Variants in SCAPER observed in about 807,000 individuals in gnomAD.
SCAPER encodes the protein S-phase cyclin A associated protein in the ER.
Under a neutral mutation model 182.2 loss-of-function variants are expected in SCAPER, and 98 were observed. The ratio of observed to expected loss-of-function variants is 0.54; its 90% CI spans 0.46 to 0.64. The LOEUF is 0.64. Among genes scored for constraint, SCAPER ranks in the 30% least tolerant of loss-of-function variants. SCAPER has a pLI of 0.00. For synonymous variants in SCAPER, 605 were observed against 564.6 expected (o/e 1.07, Z -1.01); for missense variants, 1,432 against 1,690.0 (o/e 0.85, Z 2.68).
intron 5 of SCAPER, among the ~76,000 whole-genome samples, chr15:76,813,227 T>TAAAAAAAAAA (rs746891532): frequency 2.3e-3 from 39 of 17,182 alleles, no homozygotes; most frequent in African/African-American, 6.9e-3. Context: ...ATCCTTTCAC[T>TAAAAAAAAAA]AAAAAAAAAA....
intron 21 of SCAPER, among the ~76,000 whole-genome samples, chr15:76,637,216 C>T (rs1024120099): frequency 4.6e-5 from 7 of 152,010 alleles, no homozygotes; most frequent in Admixed American, 4.6e-4. Flanking sequence ...TCTACTACCT[C>T]TATAAAATTT....
intron 23 of SCAPER, among the ~76,000 whole-genome samples, chr15:76,506,450 C>T (rs1211972667): frequency 6.6e-6 from 1 of 151,772 alleles, no homozygotes; most frequent in Non-Finnish European, 1.5e-5. Flanking sequence ...CAACACTAAT[C>T]AGATAGTTAT....
chr15:76,768,292 A>G (rs1257237060), intron 10 of SCAPER, among the ~76,000 whole-genome samples: 1 of 152,180 alleles, frequency 6.6e-6, no homozygotes, highest in East Asian at 1.9e-4. Flanking sequence ...AGTGGAAACA[A>G]CCTAAATGTC....
intron 20 of SCAPER, among the ~76,000 whole-genome samples, chr15:76,683,799 C>T (rs2057874347): frequency 6.6e-6 from 1 of 151,806 alleles, no homozygotes; most frequent in African/African-American, 2.4e-5. Context: ...AAATTCCAAC[C>T]AAGAATTTCA....
chr15:76,777,789 T>G (rs2063835199), intron 8 of SCAPER, among the ~76,000 whole-genome samples: 1 of 152,168 alleles, frequency 6.6e-6, no homozygotes, highest in African/African-American at 2.4e-5. Flanking sequence ...TAAATACAAG[T>G]TGCTCCTCAA....
At chr15:76,537,066 G>C (rs2044233959) in intron 23 of SCAPER, among the ~76,000 whole-genome samples, 1 of 152,192 alleles carries the variant, frequency 6.6e-6, no homozygotes, top group Admixed American at 6.5e-5. Context: ...TGAAATAAAA[G>C]AGGATACAAA....
At position 76,719,821 on chromosome 15, in the gene SCAPER, A is replaced by T. The variant is rs142301979; in HGVS notation, c.2165+8774T>A. On this transcript the variant is annotated intron_variant, in intron 17 of 31. Coordinates refer to ENST00000563290, the MANE Select transcript of SCAPER (RefSeq NM_020843.4). Reference sequence around the variant, plus strand: ...AATCCCAACTATATATTGGTAGATTATATGTTTATTTACGTAGAAAACGCT... The same window carrying T: ...AATCCCAACTATATATTGGTAGATTTTATGTTTATTTACGTAGAAAACGCT... Among the ~76,000 whole-genome samples the T allele has an allele frequency of 4.5e-4, 69 of 152,292 alleles. No homozygotes were observed. The East Asian group carries it at 0.013, about 28-fold the overall frequency.
intron 2 of SCAPER, among the ~76,000 whole-genome samples, chr15:76,875,923 G>C (rs34450864): frequency 3.3e-5 from 5 of 151,266 alleles, no homozygotes; most frequent in African/African-American, 1.2e-4. Flanking sequence ...CCCACGGTGG[G>C]GGGCGGGGTC....
At chr15:76,633,736 G>A (rs1567656250) in intron 21 of SCAPER, among the ~76,000 whole-genome samples, 1 of 152,220 alleles carries the variant, frequency 6.6e-6, no homozygotes, top group Non-Finnish European at 1.5e-5. Flanking sequence ...GCACTGTGGG[G>A]AATTGCTCCC....
chr15:76,612,696 T>C (rs1327646020), intron 22 of SCAPER, among the ~76,000 whole-genome samples: 4 of 152,036 alleles, frequency 2.6e-5, no homozygotes, highest in Non-Finnish European at 4.4e-5. Flanking sequence ...ATAAAATACC[T>C]AGGAATACAG....
At chr15:76,897,333 T>C (rs1367247862) in intron 1 of SCAPER, among the ~76,000 whole-genome samples, 2 of 152,124 alleles carry the variant, frequency 1.3e-5, no homozygotes, top group African/African-American at 4.8e-5. Flanking sequence ...AGGCTCTGAC[T>C]TAAAATTTTT....
At chr15:76,874,050 G>A (rs1215929688) in intron 2 of SCAPER, among the ~76,000 whole-genome samples, 3 of 151,908 alleles carry the variant, frequency 2.0e-5, no homozygotes, top group African/African-American at 7.3e-5. Flanking sequence ...CCAGCACCAC[G>A]CCTGGCTAAT....
chr15:76,589,791 T>C (rs923441309), intron 22 of SCAPER, among the ~76,000 whole-genome samples: 2 of 152,166 alleles, frequency 1.3e-5, no homozygotes, highest in Non-Finnish European at 2.9e-5. Context: ...GGCAGCCCTC[T>C]GGAAGGACCC....
At chr15:76,419,481 G>A (rs185235755) in intron 26 of SCAPER, among the ~76,000 whole-genome samples, 9 of 152,080 alleles carry the variant, frequency 5.9e-5, no homozygotes, top group Admixed American at 4.6e-4. Flanking sequence ...AGCACTTTGC[G>A]AGGCCAAGGT....
At chr15:76,500,630 C>T (rs544870540) in intron 24 of SCAPER, among the ~76,000 whole-genome samples, 34 of 152,234 alleles carry the variant, frequency 2.2e-4, no homozygotes, top group South Asian at 1.7e-3. Context: ...TTCTTATTTA[C>T]GTAACATGGG....
intron 26 of SCAPER, among the ~76,000 whole-genome samples, chr15:76,420,777 C>A (rs557383237): frequency 5.3e-5 from 8 of 152,148 alleles, no homozygotes; most frequent in Non-Finnish European, 7.3e-5. Context: ...ACGCTCCCCC[C>A]ACCCCATGAC....
chr15:76,780,282 A>G (rs938978981), intron 8 of SCAPER, among the ~76,000 whole-genome samples: 38 of 152,256 alleles, frequency 2.5e-4, no homozygotes, highest in African/African-American at 8.7e-4. Context: ...CTGCTAGCGC[A>G]GCAGTCTGAG....
chr15:76,883,255 ACTCCATGTATAC>A (rs964923662), intron 2 of SCAPER, among the ~76,000 whole-genome samples: 51 of 152,284 alleles, frequency 3.3e-4, no homozygotes, highest in Middle Eastern at 3.4e-3. Context: ...GGCAGACTGG[ACTCCATGTATAC>A]CTCCATTCCT....
intron 20 of SCAPER, 106 bp downstream of exon 20, chr15:76,701,652 T>C: frequency 1.2e-6 from 1 of 849,322 alleles, no homozygotes; most frequent in Non-Finnish European, 1.8e-6. Flanking sequence ...CTAAATATAG[T>C]TTTAAATAAT....
Sources: allele counts gnomAD v4.1 joint callset (sites outside exome capture counted in the v4.1 genomes callset), GRCh38; gene constraint gnomAD v4.1.1; transcripts MANE v1.5; gene names NCBI Gene and HGNC (gene_info 2026-07-23, HGNC 2026-07-21).